Variants in BDH2 observed in about 807,000 individuals in gnomAD.
BDH2 encodes dehydrogenase/reductase SDR family member 6.
BDH2 carries 24 observed loss-of-function variants against 33.2 expected under a neutral mutation model. The observed-to-expected ratio is 0.72, with a 90% CI of 0.52 to 1.02. BDH2 has a LOEUF of 1.02. Ranked by LOEUF, BDH2 falls within the 50% of genes least tolerant of loss-of-function variation. The pLI, the probability that BDH2 is intolerant of heterozygous loss-of-function variation, is 0.00. For missense variants in BDH2, 249 were observed against 301.6 expected (o/e 0.83, Z 1.29); for synonymous variants, 81 against 101.6 (o/e 0.80, Z 1.22).
intron 2 of BDH2, 91 bp from the exon 3 acceptor site, chr4:103,095,372 CTTATT>C: frequency 1.0e-6 from 1 of 957,134 alleles, no homozygotes; most frequent in Non-Finnish European, 1.6e-6. Flanking sequence ...TCTCCTTTAT[CTTATT>C]TTCATTGTTC....
Position 103,096,203 on chromosome 4 carries a change from T to C in BDH2, c.52A>G (p.Ile18Val). The C allele has an allele frequency of 6.2e-7, 1 of 1,613,002 alleles. No individual in the cohort carries two copies. The highest frequency in any genetic ancestry group is 8.5e-7 in the Non-Finnish European group (1 of 1,179,124). ...CTTACTAAGGCAGCTGCTTGGCCAA[T>C]CCCCTGAGCAGCGGCCGTCAGGATG... ...VIILTAAAQG[I>V]GQAAALAFAR... is the part of the protein sequence containing the mutation. Residue 18 changes from isoleucine to valine, a missense_variant, in exon 2 of 10, where the codon ATT (isoleucine) becomes GTT (valine). By Grantham distance (29) the Ile-to-Val change is conservative. Transcript: ENST00000296424.
chr4:103,092,553 T>C, intron 4 of BDH2, 47 bp downstream of exon 4: 2 of 1,316,516 alleles, frequency 1.5e-6, no homozygotes, highest in Non-Finnish European at 2.2e-6. Flanking sequence ...ATGAAAGTCA[T>C]AGAAAACTTT....
intron 1 of BDH2, chr4:103,097,588 AAAAG>A (rs1269121100): frequency 2.6e-5 from 4 of 152,230 alleles, no homozygotes; most frequent in East Asian, 1.9e-4. Flanking sequence ...ATTTCAGGCA[AAAAG>A]AAAGGGAGGA....
chr4:103,088,537 A>C (rs985428677), intron 5 of BDH2, among the ~76,000 whole-genome samples: 1 of 152,204 alleles, frequency 6.6e-6, no homozygotes, highest in Admixed American at 6.5e-5. Context: ...AGTCCAGGTC[A>C]GGAGCTGTCG....
chr4:103,082,249 TA>T (rs1435810600), intron 8 of BDH2, 76 bp from the exon 9 acceptor site: 34 of 1,299,490 alleles, frequency 2.6e-5, no homozygotes, highest in Non-Finnish European at 3.6e-5. Context: ...TTCAAGGAGT[TA>T]AAGGCAAGAG....
chr4:103,098,533 G>A (rs1398349395), intron 1 of BDH2: 1 of 152,232 alleles, frequency 6.6e-6, no homozygotes, highest in African/African-American at 2.4e-5. Context: ...CACCTTCTCG[G>A]GGCCGTTACA....
chr4:103,090,195 C>T (rs569688097), intron 5 of BDH2, among the ~76,000 whole-genome samples: 47 of 152,336 alleles, frequency 3.1e-4, no homozygotes, highest in Middle Eastern at 3.4e-3. Context: ...TTCATTGTCT[C>T]AGCCTGCACT....
At position 103,086,559 on chromosome 4, in the gene BDH2, TAC is replaced by T; in HGVS notation, c.358-21_358-20del. On this transcript the variant is annotated intron_variant, in intron 5 of 9. Transcript: ENST00000296424. ...CAAGCATCTGCCAAAACAAAACAAA[TAC>T]AAAAAAAAAAAAATCCACTTTGTGG... The T allele has an allele frequency of 6.6e-7, 1 of 1,507,428 alleles. No individual in the cohort carries two copies. 93.4% of individuals were successfully genotyped at this position (1,507,428 alleles called of 1,614,324 possible). A position where few individuals can be genotyped will look rare whatever the true frequency, so the allele number is the denominator to read the frequency against.
At chr4:103,092,537 C>A in intron 4 of BDH2, 63 bp downstream of exon 4, 2 of 1,153,860 alleles carry the variant, frequency 1.7e-6, no homozygotes, top group South Asian at 1.3e-5. Context: ...TATGAAAATT[C>A]TTTGAATGAA....
chr4:103,087,690 T>A (rs1178641998), intron 5 of BDH2, among the ~76,000 whole-genome samples: 4 of 152,242 alleles, frequency 2.6e-5, no homozygotes, highest in Non-Finnish European at 5.9e-5. Context: ...CCTGAGGTGC[T>A]AGTTTAAAAC....
intron 9 of BDH2, among the ~76,000 whole-genome samples, chr4:103,081,651 C>T (rs1385246376): frequency 6.6e-6 from 1 of 152,216 alleles, no homozygotes; most frequent in African/African-American, 2.4e-5. Flanking sequence ...AAACAAGTCA[C>T]AAGTAAAACT....
chr4:103,084,207 T>A (rs59853865), intron 7 of BDH2, among the ~76,000 whole-genome samples: 4,126 of 152,318 alleles, frequency 0.027, 167 homozygotes, highest in African/African-American at 0.091. Context: ...GCTTTCTCCC[T>A]CTGAGGTAAA....
chr4:103,095,621 TACTAAACTCC>T (rs1326048463), intron 2 of BDH2, among the ~76,000 whole-genome samples: 1 of 152,200 alleles, frequency 6.6e-6, no homozygotes, highest in African/African-American at 2.4e-5. Flanking sequence ...GAGTTTGAGT[TACTAAACTCC>T]AAATAATAAG....
intron 5 of BDH2, 93 bp from the exon 6 acceptor site, chr4:103,086,633 C>A: frequency 6.8e-7 from 1 of 1,463,040 alleles, no homozygotes; most frequent in Non-Finnish European, 9.1e-7. Context: ...TTAGGGTTTG[C>A]AGAATGAATT....
At chr4:103,090,972 A>G (rs1277955630) in intron 5 of BDH2, among the ~76,000 whole-genome samples, 2 of 152,218 alleles carry the variant, frequency 1.3e-5, no homozygotes, top group Non-Finnish European at 2.9e-5. Context: ...GCATGTGGAA[A>G]GTGCTTAATA....
intron 5 of BDH2, among the ~76,000 whole-genome samples, chr4:103,088,217 G>A (rs984822945): frequency 9.9e-5 from 15 of 152,190 alleles, no homozygotes; most frequent in Non-Finnish European, 2.2e-4. Flanking sequence ...GTGTAATGGT[G>A]TTGAAAAGTA....
At chr4:103,084,514 CA>C (rs900913145) in intron 7 of BDH2, among the ~76,000 whole-genome samples, 2 of 152,208 alleles carry the variant, frequency 1.3e-5, no homozygotes, top group African/African-American at 4.8e-5. Flanking sequence ...CTGATAAGTC[CA>C]GTCGCTGAAA....
chr4:103,081,148 C>T (rs1747505963), intron 9 of BDH2, among the ~76,000 whole-genome samples: 1 of 152,154 alleles, frequency 6.6e-6, no homozygotes, highest in African/African-American at 2.4e-5. Context: ...TTCTTGTGCT[C>T]TATACCTTAT....
chr4:103,085,691 G>A, intron 6 of BDH2: 6 of 1,459,856 alleles, frequency 4.1e-6, no homozygotes, highest in Non-Finnish European at 5.5e-6. Context: ...TTGAAATGCT[G>A]AACTTACTTA....
Sources: allele counts gnomAD v4.1 joint callset (sites outside exome capture counted in the v4.1 genomes callset), GRCh38; gene constraint gnomAD v4.1.1; transcripts MANE v1.5; gene names NCBI Gene and HGNC (gene_info 2026-07-23, HGNC 2026-07-21).